KLHDC10: variants seen among roughly 807,000 people sequenced by gnomAD.
The protein encoded by KLHDC10 is kelch domain containing 10.
A neutral mutation model predicts 56.1 loss-of-function variants in KLHDC10; 24 were observed. The observed-to-expected ratio is 0.43, with a 90% CI of 0.31 to 0.60. The LOEUF is 0.60. KLHDC10 is among the 20% of genes least tolerant of loss of function. The pLI is 0.11. For missense variants in KLHDC10, 349 were observed against 567.0 expected (o/e 0.62, Z 3.91); for synonymous variants, 188 against 207.1 (o/e 0.91, Z 0.79).
chr7:130,088,354 A>C (rs1387374973), intron 1 of KLHDC10, among the ~76,000 whole-genome samples: 2 of 151,338 alleles, frequency 1.3e-5, no homozygotes, highest in African/African-American at 4.9e-5. Context: ...GGCTCACTGC[A>C]ACCTCTGCCT....
intron 2 of KLHDC10, among the ~76,000 whole-genome samples, chr7:130,113,895 G>C (rs1796133993): frequency 6.6e-6 from 1 of 152,172 alleles, no homozygotes; most frequent in African/African-American, 2.4e-5. Flanking sequence ...TAGAGTTCCT[G>C]TCTGCTGAAC....
At chr7:130,088,466 G>A (rs902764341) in intron 1 of KLHDC10, among the ~76,000 whole-genome samples, 1 of 151,200 alleles carries the variant, frequency 6.6e-6, no homozygotes, top group Non-Finnish European at 1.5e-5. Context: ...GTAGAGACGG[G>A]GGTTTTACCA....
chr7:130,108,845 C>G (rs548445724), intron 2 of KLHDC10, among the ~76,000 whole-genome samples: 11 of 152,260 alleles, frequency 7.2e-5, no homozygotes, highest in African/African-American at 2.4e-4. Context: ...CCCTTCCCCC[C>G]TTTATACACA....
chr7:130,095,102 CA>C (rs1235543388), intron 1 of KLHDC10, among the ~76,000 whole-genome samples: 1 of 151,998 alleles, frequency 6.6e-6, no homozygotes, highest in Non-Finnish European at 1.5e-5. Flanking sequence ...TATCCTTTGA[CA>C]GTGTGGTTTA....
chr7:130,125,797 A>AG (rs1218026711), intron 6 of KLHDC10, 68 bp from the exon 7 acceptor site: 33 of 1,248,316 alleles, frequency 2.6e-5, no homozygotes, highest in Non-Finnish European at 3.4e-5. Context: ...TTTTTAAAAA[A>AG]TCCTTTTTCA....
At chr7:130,089,038 A>G (rs1795733312) in intron 1 of KLHDC10, among the ~76,000 whole-genome samples, 1 of 152,232 alleles carries the variant, frequency 6.6e-6, no homozygotes, top group African/African-American at 2.4e-5. Flanking sequence ...CAAGATAGGC[A>G]CATTCACATC....
At chr7:130,099,682 G>A (rs1242966737) in intron 2 of KLHDC10, among the ~76,000 whole-genome samples, 2 of 152,210 alleles carry the variant, frequency 1.3e-5, no homozygotes, top group African/African-American at 4.8e-5. Context: ...GTGGGAAAGA[G>A]GTGGACAAAA....
intron 4 of KLHDC10, among the ~76,000 whole-genome samples, chr7:130,121,282 AGAAAGCACT>A (rs1231048813): frequency 6.6e-6 from 1 of 152,170 alleles, no homozygotes; most frequent in Non-Finnish European, 1.5e-5. Flanking sequence ...TGAGTAGATG[AGAAAGCACT>A]TGGTGAAGAA....
chr7:130,087,538 A>C (rs1379094291), intron 1 of KLHDC10, among the ~76,000 whole-genome samples: 1 of 152,132 alleles, frequency 6.6e-6, no homozygotes, highest in Non-Finnish European at 1.5e-5. Context: ...AAAAAATGAG[A>C]TAAGTGATCT....
At chr7:130,098,491 C>T (rs1440365936) in intron 2 of KLHDC10, among the ~76,000 whole-genome samples, 1 of 151,528 alleles carries the variant, frequency 6.6e-6, no homozygotes, top group East Asian at 1.9e-4. Flanking sequence ...AGACTTTTCT[C>T]CAAAAAAAAG....
chr7:130,106,370 A>C (rs1796008598), intron 2 of KLHDC10, among the ~76,000 whole-genome samples: 2 of 152,198 alleles, frequency 1.3e-5, no homozygotes, highest in Admixed American at 1.3e-4. Flanking sequence ...GGGTAATAAG[A>C]TACAGATCTT....
chr7:130,089,639 A>C (rs1280880478), intron 1 of KLHDC10, among the ~76,000 whole-genome samples: 1 of 152,218 alleles, frequency 6.6e-6, no homozygotes, highest in Non-Finnish European at 1.5e-5. Flanking sequence ...AGGTAGACAT[A>C]GTCCCATGGG....
chr7:130,076,017 A>C (rs545327128), intron 1 of KLHDC10, among the ~76,000 whole-genome samples: 1 of 152,000 alleles, frequency 6.6e-6, no homozygotes, highest in Admixed American at 6.6e-5. Flanking sequence ...AGTTTCGTGG[A>C]AGACAATTTT....
intron 3 of KLHDC10, among the ~76,000 whole-genome samples, chr7:130,119,843 T>TAAAAAAAAA (rs72549928): frequency 1.3e-5 from 1 of 76,970 alleles, no homozygotes; most frequent in Non-Finnish European, 2.5e-5. Flanking sequence ...GACTCCGTCT[T>TAAAAAAAAA]AAAAAAAAAA....
intron 2 of KLHDC10, among the ~76,000 whole-genome samples, chr7:130,115,088 A>T (rs1034548400): frequency 6.6e-6 from 1 of 152,188 alleles, no homozygotes; most frequent in African/African-American, 2.4e-5. Flanking sequence ...ATATAACCTT[A>T]GAAAGTGGGA....
At chr7:130,098,338 C>G (rs1431780321) in intron 2 of KLHDC10, among the ~76,000 whole-genome samples, 1 of 151,934 alleles carries the variant, frequency 6.6e-6, no homozygotes, top group Non-Finnish European at 1.5e-5. Context: ...GTAAAAAATA[C>G]AAAAATTAGC....
intron 8 of KLHDC10, among the ~76,000 whole-genome samples, chr7:130,127,684 T>A (rs1424997811): frequency 6.6e-6 from 1 of 152,230 alleles, no homozygotes; most frequent in Non-Finnish European, 1.5e-5. Flanking sequence ...TGGTGATAAA[T>A]AAGCTTTTAT....
At chr7:130,079,428 T>G (rs1009623841) in intron 1 of KLHDC10, among the ~76,000 whole-genome samples, 3 of 152,200 alleles carry the variant, frequency 2.0e-5, no homozygotes, top group African/African-American at 7.2e-5. Flanking sequence ...GCTAATGCCT[T>G]TTCAGCATCT....
At chr7:130,124,629 T>C in intron 6 of KLHDC10, 94 bp downstream of exon 6, 1 of 700,932 alleles carries the variant, frequency 1.4e-6, no homozygotes, top group Admixed American at 2.4e-5. Context: ...TTTGGATATT[T>C]TAATTTTTGA....
Sources: gnomAD v4.1 joint callset for allele counts (sites outside exome capture counted in the v4.1 genomes callset) on GRCh38, gnomAD v4.1.1 for gene constraint, MANE v1.5 for transcripts, NCBI Gene and HGNC (gene_info 2026-07-23, HGNC 2026-07-21) for gene names.